PDE4D: variants seen among roughly 807,000 people sequenced by gnomAD.
The protein encoded by PDE4D is phosphodiesterase 4D.
PDE4D carries 24 observed loss-of-function variants against 87.4 expected under a neutral mutation model. That is an observed-to-expected ratio of 0.27 (90% CI 0.20 to 0.39). The LOEUF (loss-of-function observed/expected upper bound fraction) is 0.39. Among genes scored for constraint, PDE4D ranks in the 10% least tolerant of loss-of-function variants. PDE4D has a pLI of 1.00. For synonymous variants in PDE4D, 384 were observed against 383.2 expected (o/e 1.00, Z -0.02); for missense variants, 714 against 1,041.0 (o/e 0.69, Z 4.32).
intron 1 of PDE4D, among the ~76,000 whole-genome samples, chr5:59,779,802 T>C (rs1394210099): frequency 6.6e-6 from 1 of 152,238 alleles, no homozygotes; most frequent in Non-Finnish European, 1.5e-5. Context: ...GCAAAACGCA[T>C]TGGGAATACA....
At chr5:59,093,275 A>C (rs546703367) in intron 5 of PDE4D, among the ~76,000 whole-genome samples, 75 of 152,118 alleles carry the variant, frequency 4.9e-4, no homozygotes, top group Non-Finnish European at 9.3e-4. Flanking sequence ...AATTATATGG[A>C]GCCTTTGGAT....
intron 1 of PDE4D, among the ~76,000 whole-genome samples, chr5:59,630,707 T>G (rs1831456751): frequency 6.6e-6 from 1 of 152,168 alleles, no homozygotes; most frequent in Non-Finnish European, 1.5e-5. Context: ...AGGTCACAAC[T>G]TCTATAATAG....
intron 1 of PDE4D, among the ~76,000 whole-genome samples, chr5:59,229,941 G>A (rs1754780963): frequency 1.3e-5 from 2 of 152,100 alleles, no homozygotes; most frequent in South Asian, 4.2e-4. Flanking sequence ...TGGGATTACA[G>A]GCAGGCGCCA....
chr5:59,967,388 A>C (rs1327588429), intron 3 of PDE4D, among the ~76,000 whole-genome samples: 1 of 152,192 alleles, frequency 6.6e-6, no homozygotes, highest in East Asian at 1.9e-4. Context: ...AATTTTCACT[A>C]TCTACAGGGA....
At chr5:59,731,809 T>C (rs1757396888) in intron 1 of PDE4D, among the ~76,000 whole-genome samples, 1 of 152,172 alleles carries the variant, frequency 6.6e-6, no homozygotes, top group South Asian at 2.1e-4. Flanking sequence ...ATTATCTACC[T>C]TAGAAAATGC....
chr5:59,970,621 G>A (rs917703659), intron 3 of PDE4D, among the ~76,000 whole-genome samples: 6 of 151,592 alleles, frequency 4.0e-5, no homozygotes, highest in African/African-American at 1.5e-4. Flanking sequence ...CACCATCACT[G>A]GCCATCAGAG....
intron 5 of PDE4D, among the ~76,000 whole-genome samples, chr5:59,054,438 A>G (rs1762039719): frequency 6.6e-6 from 1 of 152,188 alleles, no homozygotes; most frequent in Non-Finnish European, 1.5e-5. Flanking sequence ...AAAAATGTAC[A>G]AAAAGGTTTT....
chr5:59,165,378 A>G (rs942506015), intron 5 of PDE4D, among the ~76,000 whole-genome samples: 4 of 152,078 alleles, frequency 2.6e-5, no homozygotes, highest in African/African-American at 4.8e-5. Context: ...GGTTCAAGTG[A>G]TTCTCCTACC....
intron 2 of PDE4D, among the ~76,000 whole-genome samples, chr5:60,012,265 G>A (rs892284124): frequency 9.9e-5 from 15 of 152,188 alleles, no homozygotes; most frequent in Non-Finnish European, 1.6e-4. Context: ...AGAACTGCAT[G>A]AGTGCATGCT....
At chr5:59,041,060 C>T (rs1414614533) in intron 5 of PDE4D, among the ~76,000 whole-genome samples, 1 of 152,150 alleles carries the variant, frequency 6.6e-6, no homozygotes, top group Non-Finnish European at 1.5e-5. Context: ...ACTTCCTCCA[C>T]CCCGCAGTCT....
At chr5:59,549,621 A>C (rs1280225237) in intron 1 of PDE4D, among the ~76,000 whole-genome samples, 1 of 152,172 alleles carries the variant, frequency 6.6e-6, no homozygotes, top group Non-Finnish European at 1.5e-5. Context: ...CCTATTAACA[A>C]GATATATTTG....
rs554160017 is a variant in PDE4D at position 60,441,798 on chromosome 5, C to T, written c.-90+46144G>A. 2.6e-5 allele frequency among the ~76,000 whole-genome samples: 4 copies of T among 152,226 alleles called. No individual in the cohort carries two copies. In the South Asian group the frequency reaches 8.3e-4, roughly 32 times the overall value. On this transcript the variant is annotated intron_variant, in intron 1 of 16. Coordinates refer to the PDE4D transcript ENST00000502484. ...GTGAAGAATATGAACAGACACTTCT[C>T]AAAAGAAGACATTTATGCCCCCTGC... is the stretch of plus-strand genomic sequence containing the variant.
At chr5:59,604,736 T>C (rs1583284837) in intron 1 of PDE4D, among the ~76,000 whole-genome samples, 1 of 152,022 alleles carries the variant, frequency 6.6e-6, no homozygotes, top group Admixed American at 6.6e-5. Flanking sequence ...CACATTCGTT[T>C]AAGATTTTTT....
intron 1 of PDE4D, among the ~76,000 whole-genome samples, chr5:59,795,453 G>A (rs1359956867): frequency 6.6e-6 from 1 of 152,214 alleles, no homozygotes; most frequent in African/African-American, 2.4e-5. Context: ...ATGCATGAAA[G>A]TAGAAGGATG....
chr5:59,090,663 T>G (rs560542193), intron 5 of PDE4D, among the ~76,000 whole-genome samples: 1 of 152,082 alleles, frequency 6.6e-6, no homozygotes, highest in Non-Finnish European at 1.5e-5. Context: ...TGCCAAAAGT[T>G]GTAGGGTAGG....
intron 3 of PDE4D, among the ~76,000 whole-genome samples, chr5:59,910,235 A>G (rs1753296617): frequency 6.6e-6 from 1 of 152,132 alleles, no homozygotes; most frequent in Non-Finnish European, 1.5e-5. Context: ...GAAGTTCCTG[A>G]GTGTAAGAAC....
chr5:59,350,275 T>C (rs1780305324), intron 1 of PDE4D, among the ~76,000 whole-genome samples: 1 of 152,078 alleles, frequency 6.6e-6, no homozygotes. Context: ...TTTGCTGCCT[T>C]ACTGAAAGCA....
intron 1 of PDE4D, among the ~76,000 whole-genome samples, chr5:59,366,587 C>G (rs2153596249): frequency 6.6e-6 from 1 of 152,248 alleles, no homozygotes; most frequent in South Asian, 2.1e-4. Context: ...GAGCTTTCCA[C>G]AGTTACTGAT....
At chr5:59,520,474 G>C (rs1343462803) in intron 1 of PDE4D, among the ~76,000 whole-genome samples, 1 of 152,194 alleles carries the variant, frequency 6.6e-6, no homozygotes. Context: ...AAGGCTCACA[G>C]TAGGTATTTG....
Sources: allele counts gnomAD v4.1 joint callset (sites outside exome capture counted in the v4.1 genomes callset), GRCh38; gene constraint gnomAD v4.1.1; transcripts MANE v1.5; gene names NCBI Gene and HGNC (gene_info 2026-07-23, HGNC 2026-07-21).